Variants in ZNF664 observed in about 807,000 individuals in gnomAD.
ZNF664 encodes the protein zinc finger Organ of Corti 1.
A neutral mutation model predicts 18.2 loss-of-function variants in ZNF664; 10 were observed. The observed-to-expected ratio is 0.55, with a 90% CI of 0.34 to 0.93. The LOEUF is 0.93. Ranked by LOEUF, ZNF664 falls within the 40% of genes least tolerant of loss-of-function variation. The probability of loss-of-function intolerance (pLI) is 0.02; values close to 1 mark genes in which losing one functional copy is unlikely to be tolerated. For missense variants in ZNF664, 193 were observed against 319.0 expected, an observed-to-expected ratio of 0.61 and a Z score of 3.01; for synonymous variants, 119 against 104.2, an observed-to-expected ratio of 1.14 and a Z score of -0.86.
chr12:123,991,145 T>C (rs971288859), intron 3 of ZNF664, among the ~76,000 whole-genome samples: 5 of 152,168 alleles, frequency 3.3e-5, no homozygotes, highest in Admixed American at 3.3e-4. Context: ...TGTTACACAT[T>C]TACTAGTTAG....
chr12:123,979,674 G>A (rs1956737621), intron 2 of ZNF664, among the ~76,000 whole-genome samples: 1 of 151,914 alleles, frequency 6.6e-6, no homozygotes, highest in African/African-American at 2.4e-5. Context: ...GTTTTTTGTG[G>A]GATTTTTTGT....
chr12:123,985,770 G>C (rs1350792247), intron 2 of ZNF664, among the ~76,000 whole-genome samples: 1 of 152,158 alleles, frequency 6.6e-6, no homozygotes, highest in East Asian at 1.9e-4. Context: ...CCGCTGCTGT[G>C]GGACTGGTGC....
chr12:123,990,531 C>T lies in ZNF664; in HGVS notation c.-661+2393C>T, dbSNP rs377660121. Reference sequence around the variant, plus strand: ...CTTCCTGAGGGTGGCTTGAGCTTTCCGGTCTGTTCTTCTTTTCTTCTGGGC... The same window carrying T: ...CTTCCTGAGGGTGGCTTGAGCTTTCTGGTCTGTTCTTCTTTTCTTCTGGGC... On this transcript the variant is annotated intron_variant, in intron 3 of 4. Transcript: ENST00000337815. Among the ~76,000 whole-genome samples the T allele has an allele frequency of 5.3e-5, 8 of 152,236 alleles. No homozygotes were observed. The South Asian group carries it at 1.2e-3, about 24-fold the overall frequency.
intron 3 of ZNF664, among the ~76,000 whole-genome samples, chr12:123,995,276 A>G (rs1956935195): frequency 6.6e-6 from 1 of 152,260 alleles, no homozygotes; most frequent in Non-Finnish European, 1.5e-5. Context: ...ACATTTTCAT[A>G]TTAAGTGTGA....
rs146558258 is a variant in ZNF664 at position 123,975,810 on chromosome 12, C to G, written c.-757+1790C>G. On this transcript the variant is annotated intron_variant, in intron 2 of 4. Transcript: ENST00000337815. ...AACTGAACACTAGACAATACTCGCACTATAATATTTAAGCTTATTTCCTTA... is the reference window on the plus strand; with the variant it reads ...AACTGAACACTAGACAATACTCGCAGTATAATATTTAAGCTTATTTCCTTA... 3.7e-3 allele frequency among the ~76,000 whole-genome samples: 567 copies of G among 152,256 alleles called. 4 individuals carry two copies. The highest frequency in any genetic ancestry group is 0.01 in the Middle Eastern group (3 of 294).
intron 2 of ZNF664, among the ~76,000 whole-genome samples, chr12:123,984,178 A>G (rs944430758): frequency 2.0e-5 from 3 of 152,200 alleles, no homozygotes; most frequent in South Asian, 2.1e-4. Context: ...GATGGAACTC[A>G]TGGGAATGAA....
At chr12:123,987,450 G>T (rs1956838740) in intron 2 of ZNF664, among the ~76,000 whole-genome samples, 1 of 152,170 alleles carries the variant, frequency 6.6e-6, no homozygotes, top group Admixed American at 6.5e-5. Flanking sequence ...CTTGAAATTT[G>T]CCAGGCAGTG....
intron 3 of ZNF664, among the ~76,000 whole-genome samples, chr12:123,989,885 T>TTCTAAAGACCAAATCCTA (rs11274389): frequency 6.6e-6 from 1 of 152,058 alleles, no homozygotes; most frequent in African/African-American, 2.4e-5. Context: ...AGATACTGAA[T>TTCTAAAGACCAAATCCTA]TCTATTCTTA....
At chr12:123,991,045 G>C (rs990403115) in intron 3 of ZNF664, among the ~76,000 whole-genome samples, 1 of 152,208 alleles carries the variant, frequency 6.6e-6, no homozygotes, top group South Asian at 2.1e-4. Context: ...CAGCTATTTA[G>C]TATTAGGTGA....
chr12:124,011,252 G>A, intron 3 of ZNF664, 129 bp from the exon 4 acceptor site: 1 of 979,098 alleles, frequency 1.0e-6, no homozygotes, highest in Non-Finnish European at 1.2e-6. Context: ...AGGTCTTTTT[G>A]AGGATTTCTT....
At chr12:123,974,964 A>G (rs1309389663) in intron 2 of ZNF664, among the ~76,000 whole-genome samples, 2 of 152,222 alleles carry the variant, frequency 1.3e-5, no homozygotes, top group Non-Finnish European at 2.9e-5. Context: ...GAGATTCGGC[A>G]TTTATGATGA....
At chr12:124,011,488 A>G in intron 4 of ZNF664, 47 bp downstream of exon 4, 1 of 809,024 alleles carries the variant, frequency 1.2e-6, no homozygotes. Flanking sequence ...TTTTGGAATC[A>G]ATAGCAGTTT....
chr12:123,986,572 A>G (rs924392245), intron 2 of ZNF664, among the ~76,000 whole-genome samples: 1 of 152,214 alleles, frequency 6.6e-6, no homozygotes, highest in Admixed American at 6.5e-5. Flanking sequence ...CACAGCTGAT[A>G]ACCTCATTCT....
intron 3 of ZNF664, among the ~76,000 whole-genome samples, chr12:123,996,811 A>T (rs1956953622): frequency 6.6e-6 from 1 of 152,200 alleles, no homozygotes. Flanking sequence ...GACAAAGCCC[A>T]CTTGTGTGTG....
At chr12:123,977,911 A>C (rs577888713) in intron 2 of ZNF664, among the ~76,000 whole-genome samples, 1 of 152,326 alleles carries the variant, frequency 6.6e-6, no homozygotes, top group African/African-American at 2.4e-5. Flanking sequence ...AATATTAAAC[A>C]TCTGGAAAGA....
At chr12:123,998,173 T>A (rs567628818) in intron 3 of ZNF664, among the ~76,000 whole-genome samples, 1 of 152,290 alleles carries the variant, frequency 6.6e-6, no homozygotes, top group East Asian at 1.9e-4. Context: ...GCCTTTCTTA[T>A]ACTTTATCCC....
At chr12:124,005,160 A>G (rs1957056710) in intron 3 of ZNF664, among the ~76,000 whole-genome samples, 1 of 152,146 alleles carries the variant, frequency 6.6e-6, no homozygotes. Context: ...GAAAATTTCA[A>G]ATGAACTCAA....
intron 2 of ZNF664, among the ~76,000 whole-genome samples, chr12:123,975,727 T>A (rs1018830474): frequency 1.3e-5 from 2 of 152,232 alleles, no homozygotes; most frequent in African/African-American, 4.8e-5. Flanking sequence ...CTAGTGGTTT[T>A]ACATACCTTA....
At position 124,012,164 on chromosome 12, in the gene ZNF664, T is replaced by A. The variant is rs377339551; in HGVS notation, c.20T>A (p.Met7Lys). The stretch of plus-strand genomic sequence containing the variant: ...GGAAAAATGATCTACAAGTGCCCCA[T>A]GTGTAGGGAATTTTTCTCTGAGAGA... MIYKCP[M>K]CREFFSERAD... Residue 7 changes from methionine (M) to lysine (K), a missense_variant, in exon 5 of 5, where the codon ATG (methionine) becomes AAG (lysine). Transcript: ENST00000337815. 3.1e-6 allele frequency: 5 copies of A among 1,611,464 alleles called. No individual in the cohort carries two copies. Among genetic ancestry groups the A allele is most frequent in the African/African-American group, 1.3e-5 (1 of 74,672 alleles).
Sources: allele counts gnomAD v4.1 joint callset (sites outside exome capture counted in the v4.1 genomes callset), GRCh38; gene constraint gnomAD v4.1.1; transcripts MANE v1.5; gene names NCBI Gene and HGNC (gene_info 2026-07-23, HGNC 2026-07-21).